Variants in SLC9A3 observed in about 807,000 individuals in gnomAD.
SLC9A3 encodes the protein solute carrier family 9 member A3.
Under a neutral mutation model 86.8 loss-of-function variants are expected in SLC9A3, and 37 were observed. The ratio of observed to expected loss-of-function variants is 0.43; its 90% CI spans 0.33 to 0.56. The LOEUF (loss-of-function observed/expected upper bound fraction) is 0.56. Among genes scored for constraint, SLC9A3 ranks in the 20% least tolerant of loss-of-function variants. The pLI, the probability that SLC9A3 is intolerant of heterozygous loss-of-function variation, is 0.06. For synonymous variants in SLC9A3, 581 were observed against 528.3 expected, an observed-to-expected ratio of 1.10 and a Z score of -1.37; for missense variants, 1,011 against 1,171.9, an observed-to-expected ratio of 0.86 and a Z score of 2.00.
intron 7 of SLC9A3, 45 bp downstream of exon 7, chr5:482,503 C>G: frequency 6.6e-7 from 1 of 1,515,434 alleles, no homozygotes; most frequent in South Asian, 1.2e-5. Context: ...AGGCTCCCCT[C>G]GCGGGCGGGG....
intron 1 of SLC9A3, among the ~76,000 whole-genome samples, chr5:493,784 C>T (rs1178917973): frequency 1.3e-5 from 2 of 152,260 alleles, no homozygotes; most frequent in Admixed American, 1.3e-4. Context: ...GCCCCGTCCC[C>T]ACCATGTGCC....
chr5:474,176 G>GA (rs1738567189), intron 16 of SLC9A3, among the ~76,000 whole-genome samples: 1 of 140,954 alleles, frequency 7.1e-6, no homozygotes. Context: ...GCTGCGGAGA[G>GA]GGGTTAGGCG....
chr5:486,007 C>G (rs561594366), intron 3 of SLC9A3, among the ~76,000 whole-genome samples: 1 of 152,324 alleles, frequency 6.6e-6, no homozygotes, highest in East Asian at 1.9e-4. Context: ...ACGGGGCTGT[C>G]ACTCTATTCC....
In SLC9A3 at chr5:472,920, G is replaced by A; in HGVS notation, c.*459C>T. The A allele has an allele frequency of 1.8e-6, 1 of 541,942 alleles. No individual in the cohort carries two copies. The allele number at this position is 541,942 out of a possible 1,614,324, so 33.6% of individuals were successfully genotyped here. A position where few individuals can be genotyped will look rare whatever the true frequency, so the allele number is the denominator to read the frequency against. ...TTTCCCGGCAGCGGTGGGAAAGGGC[G>A]CGAGCGGCCAGCCATGGCGCGCGGA... On this transcript the variant is annotated 3_prime_UTR_variant, in exon 17 of 17. Transcript: ENST00000264938.
chr5:483,161 C>T, intron 6 of SLC9A3, 101 bp downstream of exon 6: 1 of 916,218 alleles, frequency 1.1e-6, no homozygotes, highest in Non-Finnish European at 1.7e-6. Context: ...TTGCACGGGG[C>T]TGCACCTCCA....
At chr5:488,773 G>A (rs1216087129) in intron 2 of SLC9A3, among the ~76,000 whole-genome samples, 2 of 152,250 alleles carry the variant, frequency 1.3e-5, no homozygotes, top group Middle Eastern at 3.2e-3. Flanking sequence ...CAGGGGCACC[G>A]CATGCTGGGG....
At chr5:481,078 C>T (rs574410077) in intron 9 of SLC9A3, among the ~76,000 whole-genome samples, 5 of 152,042 alleles carry the variant, frequency 3.3e-5, no homozygotes, top group Non-Finnish European at 5.9e-5. Flanking sequence ...TTAGTAGAGA[C>T]GGGGTTTCAC....
Position 524,340 on chromosome 5 carries a change from AG to A in SLC9A3, c.-19del. On this transcript the variant is annotated 5_prime_UTR_variant, in exon 1 of 17. It removes the in-frame stop codon of an upstream open reading frame in the 5' UTR. Coordinates refer to ENST00000264938, the MANE Select transcript of SLC9A3 (RefSeq NM_004174.4). ...CCCCACATTGCCGCCTGCTCAGCGCAGGGCTGGGACGCGCATGTCGCGGGGG... is the reference window on the plus strand; with the variant it reads ...CCCCACATTGCCGCCTGCTCAGCGCAGGCTGGGACGCGCATGTCGCGGGGG... The A allele has an allele frequency of 8.8e-7, 1 of 1,134,362 alleles. No individual in the cohort carries two copies. The highest frequency in any genetic ancestry group is 3.9e-5 in the South Asian group (1 of 25,826). 70.3% of individuals were successfully genotyped at this position (1,134,362 alleles called of 1,614,324 possible).
Position 491,736 on chromosome 5 carries a change from A to C in SLC9A3, c.514+33T>G. 2.0e-6 allele frequency: 3 copies of C among 1,478,274 alleles called. No homozygotes were observed. The highest frequency in any genetic ancestry group is 2.7e-6 in the Non-Finnish European group (3 of 1,101,570). 91.6% of individuals were successfully genotyped at this position (1,478,274 alleles called of 1,614,324 possible). On this transcript the variant is annotated intron_variant, in intron 2 of 16. Coordinates refer to ENST00000264938, the MANE Select transcript of SLC9A3 (RefSeq NM_004174.4). The surrounding 1 kb of genome is among the most constrained non-coding windows in gnomAD (Gnocchi z 9.2). ...GCCGCCCCTCCCGGACCCCACCCTG[A>C]TCCCGGCCGGGGCAACAGTGGCGCA... is the stretch of plus-strand genomic sequence containing the variant.
rs113778185 is a variant in SLC9A3 at position 508,892 on chromosome 5, T to C, written c.211+15220A>G. Among the ~76,000 whole-genome samples, 916 of 151,556 alleles carry C rather than the reference T, an allele frequency of 6.0e-3. 3 individuals carry two copies. Among genetic ancestry groups the C allele is most frequent in the Non-Finnish European group, 9.6e-3 (654 of 67,864 alleles). The stretch of plus-strand genomic sequence containing the variant: ...GGGAGGCTAACGCAGGAGAATCGCT[T>C]GAGCCCAGGAGTTCCAGACCAGCCT... On this transcript the variant is annotated intron_variant, in intron 1 of 16. Transcript: ENST00000264938.
intron 5 of SLC9A3, among the ~76,000 whole-genome samples, chr5:484,021 C>CCA (rs1357602755): frequency 2.0e-5 from 3 of 152,216 alleles, no homozygotes; most frequent in South Asian, 2.1e-4. Flanking sequence ...GGAGCTTCTG[C>CCA]CACACACACC....
chr5:493,090 T>C (rs1739865419), intron 1 of SLC9A3, among the ~76,000 whole-genome samples: 1 of 150,710 alleles, frequency 6.6e-6, no homozygotes, highest in African/African-American at 2.4e-5. Context: ...ATCTGGGCCA[T>C]GTCTCCTGTG....
At position 471,520 on chromosome 5, in the gene SLC9A3, C is replaced by G. The variant is rs1738356519; in HGVS notation, c.*1859G>C. ...AACTGGGGGCCTGTCAGAACAGCCACTTGTGCCGGGAAGGCCAGGCCCCGG... is the reference window on the plus strand; with the variant it reads ...AACTGGGGGCCTGTCAGAACAGCCAGTTGTGCCGGGAAGGCCAGGCCCCGG... On this transcript the variant is annotated 3_prime_UTR_variant, in exon 17 of 17. Transcript: ENST00000264938. 2 of 344,850 alleles carry G rather than the reference C, an allele frequency of 5.8e-6. No homozygotes were observed. Among genetic ancestry groups the G allele is most frequent in the South Asian group, 2.2e-5 (1 of 45,402 alleles). The allele number at this position is 344,850 out of a possible 1,614,324, so 21.4% of individuals were successfully genotyped here.
intron 8 of SLC9A3, 96 bp from the exon 9 acceptor site, chr5:481,731 G>GTGCCCCC: frequency 9.8e-7 from 1 of 1,017,588 alleles, no homozygotes; most frequent in Non-Finnish European, 1.5e-6. Context: ...GAACCCACCA[G>GTGCCCCC]CCCCCCTCAC....
chr5:513,197 C>T (rs533739368), intron 1 of SLC9A3, among the ~76,000 whole-genome samples: 104 of 152,222 alleles, frequency 6.8e-4, no homozygotes, highest in African/African-American at 2.5e-3. Flanking sequence ...ACCACAAAGC[C>T]AGGGGTGCTT....
intron 1 of SLC9A3, among the ~76,000 whole-genome samples, chr5:521,150 T>C (rs1441102157): frequency 6.6e-6 from 1 of 152,266 alleles, no homozygotes; most frequent in East Asian, 1.9e-4. Flanking sequence ...TTGCCTCCCC[T>C]TCTGCATTTT....
intron 3 of SLC9A3, among the ~76,000 whole-genome samples, chr5:486,917 A>C (rs1173175002): frequency 1.0e-3 from 117 of 111,518 alleles, no homozygotes; most frequent in African/African-American, 3.8e-3. Flanking sequence ...CCGCACTGAC[A>C]CCCACCACAC....
At chr5:482,445 C>T in intron 7 of SLC9A3, 103 bp downstream of exon 7, 4 of 987,530 alleles carry the variant, frequency 4.1e-6, no homozygotes, top group Middle Eastern at 6.5e-4. Context: ...ATTATGAAAC[C>T]CAATTAGGGT....
intron 10 of SLC9A3, 91 bp downstream of exon 10, chr5:479,745 G>T: frequency 1.5e-6 from 2 of 1,339,094 alleles, no homozygotes; most frequent in Non-Finnish European, 2.1e-6. Flanking sequence ...GGACGCGGGT[G>T]CAGGGGCCTC....
Sources: allele counts gnomAD v4.1 joint callset (sites outside exome capture counted in the v4.1 genomes callset), GRCh38; gene constraint gnomAD v4.1.1; non-coding constraint Gnocchi (gnomAD v3.1); transcripts MANE v1.5; gene names NCBI Gene and HGNC (gene_info 2026-07-23, HGNC 2026-07-21).